LUZP2: variants seen among roughly 807,000 people sequenced by gnomAD.
The protein encoded by LUZP2 is leucine zipper protein 2.
Under a neutral mutation model 51.6 loss-of-function variants are expected in LUZP2, and 52 were observed. The observed-to-expected ratio is 1.01, with a 90% CI of 0.81 to 1.27. LUZP2 has a LOEUF of 1.27. Ranked by LOEUF, LUZP2 falls within the 50% of genes most tolerant of loss-of-function variation. LUZP2 has a pLI of 0.00. For missense variants in LUZP2, 436 were observed against 395.4 expected (o/e 1.10, Z -0.87); for synonymous variants, 154 against 137.3 (o/e 1.12, Z -0.85).
At chr11:24,699,240 A>G (rs1035464332) in intron 1 of LUZP2, among the ~76,000 whole-genome samples, 1 of 152,022 alleles carries the variant, frequency 6.6e-6, no homozygotes, top group Admixed American at 6.6e-5. Flanking sequence ...CCCACGCTTC[A>G]CCATAAATTT....
chr11:24,799,824 C>A (rs1263591785), intron 5 of LUZP2, among the ~76,000 whole-genome samples: 2 of 152,120 alleles, frequency 1.3e-5, no homozygotes, highest in Non-Finnish European at 2.9e-5. Context: ...TATTAGAATA[C>A]AAAAGTAATA....
intron 9 of LUZP2, among the ~76,000 whole-genome samples, chr11:25,019,238 T>A (rs962845651): frequency 6.6e-6 from 1 of 152,182 alleles, no homozygotes; most frequent in African/African-American, 2.4e-5. Flanking sequence ...ACAGAATCTA[T>A]CATATAGAAT....
intron 5 of LUZP2, among the ~76,000 whole-genome samples, chr11:24,895,201 T>A (rs1274758826): frequency 6.6e-6 from 1 of 152,078 alleles, no homozygotes; most frequent in African/African-American, 2.4e-5. Context: ...GCTAAGTAGG[T>A]TGAGTTACAG....
intron 5 of LUZP2, among the ~76,000 whole-genome samples, chr11:24,834,471 C>T (rs960365853): frequency 2.0e-5 from 3 of 152,164 alleles, no homozygotes; most frequent in Admixed American, 1.3e-4. Flanking sequence ...ATATGTGCCA[C>T]ATTTTCTTTA....
chr11:24,974,171 C>T (rs185319673), intron 7 of LUZP2, among the ~76,000 whole-genome samples: 1 of 152,036 alleles, frequency 6.6e-6, no homozygotes, highest in Non-Finnish European at 1.5e-5. Flanking sequence ...GGAATTGAAA[C>T]TTTTACCATT....
intron 1 of LUZP2, among the ~76,000 whole-genome samples, chr11:24,503,606 G>A (rs566526164): frequency 1.3e-5 from 2 of 152,094 alleles, no homozygotes; most frequent in Non-Finnish European, 2.9e-5. Context: ...AAAAGCCTAC[G>A]ATTGGGACAC....
At chr11:24,704,451 A>C (rs1857511381) in intron 1 of LUZP2, among the ~76,000 whole-genome samples, 1 of 151,850 alleles carries the variant, frequency 6.6e-6, no homozygotes, top group African/African-American at 2.4e-5. Context: ...TCAGAAAAAA[A>C]AAAAACAGGA....
intron 4 of LUZP2, among the ~76,000 whole-genome samples, chr11:24,760,537 C>A (rs570501938): frequency 6.6e-6 from 1 of 152,250 alleles, no homozygotes; most frequent in East Asian, 1.9e-4. Flanking sequence ...GGCTAAAACA[C>A]TAGACATGTT....
At chr11:24,910,118 A>C (rs971114099) in intron 6 of LUZP2, among the ~76,000 whole-genome samples, 1 of 152,136 alleles carries the variant, frequency 6.6e-6, no homozygotes, top group Non-Finnish European at 1.5e-5. Context: ...CCCCTGCCCT[A>C]GAGTTCTGTG....
At chr11:24,646,902 A>G (rs1048809138) in intron 1 of LUZP2, among the ~76,000 whole-genome samples, 7 of 152,074 alleles carry the variant, frequency 4.6e-5, no homozygotes, top group African/African-American at 1.7e-4. Context: ...GCATACAGTA[A>G]TGTTATAATA....
chr11:24,504,719 T>A (rs572396014), intron 1 of LUZP2, among the ~76,000 whole-genome samples: 15 of 151,830 alleles, frequency 9.9e-5, no homozygotes, highest in South Asian at 4.2e-4. Context: ...AATTTTTTTT[T>A]AAATTCAAAA....
chr11:24,906,780 C>T (rs573080977), intron 6 of LUZP2, among the ~76,000 whole-genome samples: 19 of 151,902 alleles, frequency 1.3e-4, no homozygotes, highest in African/African-American at 3.1e-4. Flanking sequence ...ATTAAATGTG[C>T]GAGAAATATA....
intron 5 of LUZP2, among the ~76,000 whole-genome samples, chr11:24,815,446 T>C (rs369379849): frequency 6.6e-6 from 1 of 152,184 alleles, no homozygotes; most frequent in Non-Finnish European, 1.5e-5. Context: ...GAATTGGATG[T>C]TTTGATACCT....
At chr11:24,525,012 A>G (rs910651537) in intron 1 of LUZP2, among the ~76,000 whole-genome samples, 1 of 151,622 alleles carries the variant, frequency 6.6e-6, no homozygotes, top group African/African-American at 2.4e-5. Context: ...AAAGTGAACA[A>G]ACATATTTGC....
chr11:24,512,704 G>T (rs527449289), intron 1 of LUZP2, among the ~76,000 whole-genome samples: 2 of 150,858 alleles, frequency 1.3e-5, no homozygotes, highest in East Asian at 3.9e-4. Flanking sequence ...AGCTTGGCTT[G>T]TTGAAATAGG....
intron 1 of LUZP2, among the ~76,000 whole-genome samples, chr11:24,511,700 T>C (rs574487279): frequency 6.6e-6 from 1 of 152,344 alleles, no homozygotes; most frequent in East Asian, 1.9e-4. Flanking sequence ...ATTTATATTG[T>C]GGTTTAGACA....
intron 1 of LUZP2, among the ~76,000 whole-genome samples, chr11:24,546,124 T>C (rs1028401403): frequency 1.3e-5 from 2 of 152,072 alleles, no homozygotes; most frequent in African/African-American, 4.8e-5. Flanking sequence ...TTTTTGTACA[T>C]TAATTTTGTA....
At chr11:24,674,239 T>C (rs1019288024) in intron 1 of LUZP2, among the ~76,000 whole-genome samples, 1 of 152,324 alleles carries the variant, frequency 6.6e-6, no homozygotes, top group East Asian at 1.9e-4. Flanking sequence ...ATGCCTGTCA[T>C]GTGTCCAGGC....
intron 1 of LUZP2, among the ~76,000 whole-genome samples, chr11:24,637,370 G>T (rs1855139753): frequency 6.6e-6 from 1 of 151,844 alleles, no homozygotes; most frequent in South Asian, 2.1e-4. Flanking sequence ...TGAGTTAACT[G>T]TACAAATTGT....
Sources: allele counts gnomAD v4.1 joint callset (sites outside exome capture counted in the v4.1 genomes callset), GRCh38; gene constraint gnomAD v4.1.1; transcripts MANE v1.5; gene names NCBI Gene and HGNC (gene_info 2026-07-23, HGNC 2026-07-21).